The following VAT1L variants were observed in gnomAD, a reference collection of about 807,000 sequenced individuals.
VAT1L encodes vesicle amine transport 1 like.
A neutral mutation model predicts 44.1 loss-of-function variants in VAT1L; 34 were observed. That is an observed-to-expected ratio of 0.77 (90% CI 0.59 to 1.03). The LOEUF is 1.03. Among genes scored for constraint, VAT1L ranks in the 50% least tolerant of loss-of-function variants. The pLI is 0.00. For missense variants in VAT1L, 615 were observed against 538.8 expected (o/e 1.14, Z -1.40); for synonymous variants, 253 against 202.2 (o/e 1.25, Z -2.13).
chr16:77,818,904 G>A (rs1190586742), intron 2 of VAT1L, among the ~76,000 whole-genome samples: 2 of 152,180 alleles, frequency 1.3e-5, no homozygotes, highest in African/African-American at 4.8e-5. Context: ...ACACTGAATA[G>A]CTCTCTTGGT....
At chr16:77,869,528 G>T (rs945459577) in intron 4 of VAT1L, among the ~76,000 whole-genome samples, 6 of 152,152 alleles carry the variant, frequency 3.9e-5, no homozygotes, top group Admixed American at 2.0e-4. Context: ...AATTCGCTGG[G>T]TGTAGTGGTG....
intron 1 of VAT1L, among the ~76,000 whole-genome samples, chr16:77,791,565 G>T (rs1181681536): frequency 6.6e-6 from 1 of 152,108 alleles, no homozygotes; most frequent in African/African-American, 2.4e-5. Context: ...AGTAGACTTA[G>T]GATTTGAATC....
In VAT1L at chr16:77,879,357, C is replaced by T; in HGVS notation, c.882+133C>T. 1.1e-6 allele frequency: 1 copy of T among 946,542 alleles called. No individual in the cohort carries two copies. The highest frequency in any genetic ancestry group is 1.5e-5 in the South Asian group (1 of 68,098). 58.6% of individuals were successfully genotyped at this position (946,542 alleles called of 1,614,324 possible). A position where few individuals can be genotyped will look rare whatever the true frequency, so the allele number is the denominator to read the frequency against. On this transcript the variant is annotated intron_variant, in intron 6 of 8. Transcript: ENST00000302536. This position sits in a 1 kb window ranked among gnomAD's most constrained non-coding sequence, Gnocchi z 4.1. ...CCAGGCTGGAGTGCAATGGCACGAT[C>T]TCGGCTCATGGCAACCTCCGACTCC... is the stretch of plus-strand genomic sequence containing the variant.
At chr16:77,873,110 C>A (rs979128195) in intron 4 of VAT1L, among the ~76,000 whole-genome samples, 45 of 152,326 alleles carry the variant, frequency 3.0e-4, no homozygotes, top group African/African-American at 1.1e-3. Flanking sequence ...TTGGCTGCTT[C>A]TCAGAGCTGC....
intron 7 of VAT1L, among the ~76,000 whole-genome samples, chr16:77,921,558 C>A (rs1044550103): frequency 1.3e-5 from 2 of 152,186 alleles, no homozygotes; most frequent in Admixed American, 1.3e-4. Flanking sequence ...GATATGCACT[C>A]TCCTGTAAAC....
intron 4 of VAT1L, among the ~76,000 whole-genome samples, chr16:77,874,805 C>G (rs1018594928): frequency 1.3e-5 from 2 of 148,724 alleles, no homozygotes; most frequent in African/African-American, 5.0e-5. Flanking sequence ...AGTGCAGTGC[C>G]CACTGCTGAA....
intron 1 of VAT1L, among the ~76,000 whole-genome samples, chr16:77,791,421 A>G (rs912016262): frequency 3.3e-5 from 5 of 152,224 alleles, no homozygotes; most frequent in Non-Finnish European, 5.9e-5. Context: ...GAGATGAGGC[A>G]GGAAGAAATA....
In VAT1L at chr16:77,956,561, C is replaced by G. The variant is rs375782962; in HGVS notation, c.1078-15289C>G. 2.7e-4 allele frequency among the ~76,000 whole-genome samples: 41 copies of G among 152,302 alleles called. No homozygotes were observed. In the East Asian group the frequency reaches 6.2e-3, roughly 23 times the overall value. On this transcript the variant is annotated intron_variant, in intron 7 of 8. Transcript: ENST00000302536. ...CCTCTGCCTTGTCCTTTACATTTAC[C>G]CAATTTGGGGTTCATCTCTTTCCTT...
intron 3 of VAT1L, among the ~76,000 whole-genome samples, chr16:77,826,580 A>C (rs2016525782): frequency 6.6e-6 from 1 of 152,174 alleles, no homozygotes; most frequent in African/African-American, 2.4e-5. Context: ...TTTCTGCTCT[A>C]GATTTCAGGG....
Position 77,835,829 on chromosome 16 carries a change from T to C in VAT1L, c.579+10368T>C, listed in dbSNP as rs578241798. Among the ~76,000 whole-genome samples the C allele has an allele frequency of 3.1e-4, 47 of 151,588 alleles. 1 individual carries two copies. In the South Asian group the frequency reaches 9.6e-3, roughly 31 times the overall value. ...CGGAGGTCACAGTGAGCCAAGATCA[T>C]GCCTTTGCACTCCAGCCTGGGCAAC... On this transcript the variant is annotated intron_variant, in intron 3 of 8. Transcript: ENST00000302536.
intron 1 of VAT1L, among the ~76,000 whole-genome samples, chr16:77,797,292 A>T (rs997372902): frequency 1.8e-4 from 28 of 151,910 alleles, no homozygotes; most frequent in Admixed American, 6.6e-4. Context: ...TTGTATTTTT[A>T]GCAGAGACAG....
At chr16:77,875,402 A>T (rs1462865882) in intron 4 of VAT1L, among the ~76,000 whole-genome samples, 1 of 152,218 alleles carries the variant, frequency 6.6e-6, no homozygotes, top group Non-Finnish European at 1.5e-5. Context: ...ATATTTGCTA[A>T]GACAAGTTAA....
At chr16:77,959,414 A>T (rs1268807860) in intron 7 of VAT1L, among the ~76,000 whole-genome samples, 2 of 152,234 alleles carry the variant, frequency 1.3e-5, no homozygotes, top group East Asian at 3.8e-4. Flanking sequence ...TTAGATAATC[A>T]TCAATCCCTC....
chr16:77,884,197 G>A lies in VAT1L; in HGVS notation c.883-411G>A, dbSNP rs796247521. On this transcript the variant is annotated intron_variant, in intron 6 of 8. Transcript: ENST00000302536. The surrounding 1 kb of genome is among the most constrained non-coding windows in gnomAD (Gnocchi z 4.5). ...AAAAAAATACACCACTGTCCAAGGCGGGTGGATCACGAGGTCAGGAGTTCA... is the reference window on the plus strand; with the variant it reads ...AAAAAAATACACCACTGTCCAAGGCAGGTGGATCACGAGGTCAGGAGTTCA... 3.9e-5 allele frequency among the ~76,000 whole-genome samples: 6 copies of A among 152,108 alleles called. No individual in the cohort carries two copies. Among genetic ancestry groups the A allele is most frequent in the African/African-American group, 1.2e-4 (5 of 41,488 alleles).
chr16:77,973,988 A>G (rs1229188847), intron 8 of VAT1L, among the ~76,000 whole-genome samples: 2 of 152,190 alleles, frequency 1.3e-5, no homozygotes, highest in Non-Finnish European at 2.9e-5. Context: ...AAATGCTGGG[A>G]TTACAGGCAT....
At position 77,884,892 on chromosome 16, in the gene VAT1L, T is replaced by A. The variant is rs894121737; in HGVS notation, c.1077+90T>A. 29 of 1,368,100 alleles carry A rather than the reference T, an allele frequency of 2.1e-5. No homozygotes were observed. Among genetic ancestry groups the A allele is most frequent in the Non-Finnish European group, 2.7e-5 (28 of 1,043,220 alleles). 84.7% of individuals were successfully genotyped at this position (1,368,100 alleles called of 1,614,324 possible). A position where few individuals can be genotyped will look rare whatever the true frequency, so the allele number is the denominator to read the frequency against. ...CAAATACAATCTTCTACTAAATGAT[T>A]TTTTTCCCAGATGGGTTTGTTTTAA... is the stretch of plus-strand genomic sequence containing the variant. On this transcript the variant is annotated intron_variant, in intron 7 of 8. Transcript: ENST00000302536. This position sits in a 1 kb window ranked among gnomAD's most constrained non-coding sequence, Gnocchi z 4.5.
intron 7 of VAT1L, among the ~76,000 whole-genome samples, chr16:77,951,520 A>G (rs2018042715): frequency 2.0e-5 from 3 of 152,156 alleles, no homozygotes; most frequent in Admixed American, 1.3e-4. Flanking sequence ...CACTCCAGCC[A>G]GGGCAATGGA....
At chr16:77,955,689 C>T (rs1177303640) in intron 7 of VAT1L, among the ~76,000 whole-genome samples, 1 of 149,132 alleles carries the variant, frequency 6.7e-6, no homozygotes, top group African/African-American at 2.5e-5. Flanking sequence ...CGCAACACTA[C>T]ACTCCGGCCT....
intron 3 of VAT1L, among the ~76,000 whole-genome samples, chr16:77,833,524 G>T (rs71396128): frequency 0.019 from 2,813 of 152,022 alleles, 38 homozygotes; most frequent in Middle Eastern, 0.038. Flanking sequence ...AGGCCGAGGC[G>T]GGCAGATCAC....
Sources: gnomAD v4.1 joint callset for allele counts (sites outside exome capture counted in the v4.1 genomes callset) on GRCh38, gnomAD v4.1.1 for gene constraint, Gnocchi (gnomAD v3.1) non-coding constraint, MANE v1.5 for transcripts, NCBI Gene and HGNC (gene_info 2026-07-23, HGNC 2026-07-21) for gene names.